ESYT1: variants seen among roughly 807,000 people sequenced by gnomAD.
ESYT1 encodes extended synaptotagmin-1.
ESYT1 carries 116 observed loss-of-function variants against 154.2 expected under a neutral mutation model. That is an observed-to-expected ratio of 0.75 (90% confidence interval 0.65 to 0.88). The LOEUF is 0.88. Among genes scored for constraint, ESYT1 ranks in the 40% least tolerant of loss-of-function variants. ESYT1 has a pLI of 0.00. For missense variants in ESYT1, 1,264 were observed against 1,379.3 expected, an observed-to-expected ratio of 0.92 and a Z score of 1.32; for synonymous variants, 500 against 539.9, an observed-to-expected ratio of 0.93 and a Z score of 1.02.
chr12:56,134,601 A>ATT (rs1204339908), intron 15 of ESYT1, among the ~76,000 whole-genome samples, 173 bp downstream of exon 15: 5 of 143,234 alleles, frequency 3.5e-5, no homozygotes, highest in Admixed American at 7.0e-5. Context: ...CCAGAATAAT[A>ATT]TTTTTTTTTT....
chr12:56,141,430 G>T (rs1039302750), intron 24 of ESYT1, among the ~76,000 whole-genome samples: 1 of 152,212 alleles, frequency 6.6e-6, no homozygotes, highest in Non-Finnish European at 1.5e-5. Context: ...GTATGCTGTA[G>T]GTATTACTGG....
chr12:56,141,145 C>T (rs1870669712), intron 24 of ESYT1, among the ~76,000 whole-genome samples: 1 of 152,048 alleles, frequency 6.6e-6, no homozygotes, highest in Non-Finnish European at 1.5e-5. Flanking sequence ...AAAAGATGGC[C>T]ATGAGCCATC....
Position 56,144,101 on chromosome 12 carries a change from T to G in ESYT1, c.*239T>G. ...GGGGCGGGGACCTGAGCTGGCTGTT[T>G]CCTGCTTTGCCTGCACATTGTTCTC... On this transcript the variant is annotated 3_prime_UTR_variant, in exon 31 of 31. Coordinates refer to ENST00000394048, the MANE Select transcript of ESYT1 (RefSeq NM_015292.3). 7.1e-7 allele frequency: 1 copy of G among 1,418,110 alleles called. No homozygotes were observed. Among genetic ancestry groups the G allele is most frequent in the Non-Finnish European group, 9.2e-7 (1 of 1,089,206 alleles). The allele number at this position is 1,418,110 out of a possible 1,614,324, so 87.8% of individuals were successfully genotyped here. A position where few individuals can be genotyped will look rare whatever the true frequency, so the allele number is the denominator to read the frequency against.
At chr12:56,136,067 A>C (rs1870439642) in intron 15 of ESYT1, among the ~76,000 whole-genome samples, 1 of 150,028 alleles carries the variant, frequency 6.7e-6, no homozygotes, top group African/African-American at 2.4e-5. Flanking sequence ...CTCCAAAAAA[A>C]AAAAAAAAAA....
intron 7 of ESYT1, 152 bp downstream of exon 7, chr12:56,131,956 T>C: frequency 4.9e-6 from 5 of 1,022,912 alleles, no homozygotes; most frequent in Non-Finnish European, 5.9e-6. Flanking sequence ...AGTTTGATAC[T>C]GTGATTTTTC....
chr12:56,137,947 C>G (rs762852715), intron 19 of ESYT1, 33 bp downstream of exon 19: 1 of 1,613,442 alleles, frequency 6.2e-7, no homozygotes, highest in South Asian at 1.1e-5. Flanking sequence ...GAAAAACAGG[C>G]TGGGGCTCTT....
In ESYT1 at chr12:56,142,841, TGAG is replaced by T. The variant is rs1208818235; in HGVS notation, c.2897_2899del (p.Glu966del). 1 of 1,614,178 alleles carries T rather than the reference TGAG, an allele frequency of 6.2e-7. No homozygotes were observed. ...TACTGATATTTCTCCACAGTCCCCT[TGAG>T]GCTCCAGCCGGGCCTCTGGGCCAGG... On this transcript the variant is annotated inframe_deletion, in exon 27 of 31. Coordinates refer to ENST00000394048, the MANE Select transcript of ESYT1 (RefSeq NM_015292.3). The surrounding 1 kb of genome is among the most constrained non-coding windows in gnomAD (Gnocchi z 4.1).
intron 30 of ESYT1, 69 bp downstream of exon 30, chr12:56,143,698 A>G: frequency 6.2e-7 from 1 of 1,610,258 alleles, no homozygotes; most frequent in South Asian, 1.1e-5. Flanking sequence ...ACAGGAAAGG[A>G]AAAAAAGATA....
At chr12:56,143,751 C>A in intron 30 of ESYT1, 72 bp from the exon 31 acceptor site, 1 of 1,611,070 alleles carries the variant, frequency 6.2e-7, no homozygotes. Context: ...GTAGAGAAGC[C>A]CTTGGATCGT....
intron 7 of ESYT1, 96 bp from the exon 8 acceptor site, chr12:56,132,113 A>G: frequency 6.3e-7 from 1 of 1,577,604 alleles, no homozygotes; most frequent in African/African-American, 1.3e-5. Context: ...ACTTTCTTAC[A>G]GCTTTAGGTC....
rs1393978545 is a variant in ESYT1 at position 56,142,941 on chromosome 12, C to T, written c.2987+8C>T. ...CATTGTTCATGGTTGCCGGTGAGAC[C>T]CCATCCCTCCTGTCCTCCAGATCGC... On this transcript the variant is annotated splice_region_variant and intron_variant, in intron 27 of 30. Coordinates refer to ENST00000394048, the MANE Select transcript of ESYT1 (RefSeq NM_015292.3). The surrounding 1 kb of genome is among the most constrained non-coding windows in gnomAD (Gnocchi z 4.1). 1 of 1,614,072 alleles carries T rather than the reference C, an allele frequency of 6.2e-7. No individual in the cohort carries two copies. Among genetic ancestry groups the T allele is most frequent in the East Asian group, 2.2e-5 (1 of 44,880 alleles).
At chr12:56,135,256 C>T (rs1354929818) in intron 15 of ESYT1, among the ~76,000 whole-genome samples, 4 of 151,152 alleles carry the variant, frequency 2.6e-5, no homozygotes, top group African/African-American at 7.3e-5. Flanking sequence ...GCAACCTCCA[C>T]CTCCTGGGTT....
intron 24 of ESYT1, among the ~76,000 whole-genome samples, chr12:56,140,430 A>G (rs748106663): frequency 6.6e-6 from 1 of 152,070 alleles, no homozygotes; most frequent in Non-Finnish European, 1.5e-5. Context: ...CAGTGATACG[A>G]TCTCAGCTCA....
At position 56,143,001 on chromosome 12, in the gene ESYT1, C is replaced by T. The variant is rs1870775335; in HGVS notation, c.2988-16C>T. On this transcript the variant is annotated splice_polypyrimidine_tract_variant and intron_variant, in intron 27 of 30. Transcript: ENST00000394048. Reference sequence around the variant, plus strand: ...TTCCCTCAGGTTACCATATCACCTACATCCTCCTGTTGTAGGTCCCTTCGA... The same window carrying T: ...TTCCCTCAGGTTACCATATCACCTATATCCTCCTGTTGTAGGTCCCTTCGA... The T allele has an allele frequency of 6.2e-7, 1 of 1,614,232 alleles. No individual in the cohort carries two copies. Among genetic ancestry groups the T allele is most frequent in the Non-Finnish European group, 8.5e-7 (1 of 1,180,038 alleles).
chr12:56,138,261 G>A lies in ESYT1; in HGVS notation c.2326G>A (p.Glu776Lys). ...TCTCACCCCCCGTCCCACTGCTGCTGAGTTAGAGGAGGTAGGGCAGGAGAC... is the reference window on the plus strand; with the variant it reads ...TCTCACCCCCCGTCCCACTGCTGCTAAGTTAGAGGAGGTAGGGCAGGAGAC... ...ERLTPRPTAA[E>K]LEEVLQVNSL... Residue 776 changes from glutamate (E) to lysine (K), a missense_variant, in exon 21 of 31, where the codon GAG (glutamate) becomes AAG (lysine). Transcript: ENST00000394048. 2 of 1,614,224 alleles carry A rather than the reference G, an allele frequency of 1.2e-6. No individual in the cohort carries two copies. The highest frequency in any genetic ancestry group is 1.7e-6 in the Non-Finnish European group (2 of 1,180,038).
At position 56,137,850 on chromosome 12, in the gene ESYT1, C is replaced by T. The variant is rs746847546; in HGVS notation, c.2134C>T (p.Pro712Ser). 78 of 1,614,140 alleles carry T rather than the reference C, an allele frequency of 4.8e-5. No homozygotes were observed. In the Middle Eastern group the frequency reaches 2.0e-3, roughly 41 times the overall value. The part of the protein sequence containing the change: ...EVFEVIVTSV[P>S]GQELEVEVFD... ...CCACTAGGTGATCGTCACATCAGTT[C>T]CAGGCCAAGAGCTAGAGGTTGAAGT... The change falls in exon 19 of 31, where the codon CCA becomes TCA. Residue 712 changes from proline to serine, a missense_variant. Pro to Ser is a moderately conservative substitution (Grantham distance 74, BLOSUM62 -1). Transcript: ENST00000394048.
rs1402344533 is a variant in ESYT1, at chr12:56,143,604, G to C, written c.3250G>C (p.Asp1084His). 1 of 1,614,176 alleles carries C rather than the reference G, an allele frequency of 6.2e-7. No individual in the cohort carries two copies. The highest frequency in any genetic ancestry group is 8.5e-7 in the Non-Finnish European group (1 of 1,180,032). ...GGTGCAGCTGGACCTAGCTGAGACA[G>C]ACCTTTCCCAGGGTGTAGCCCGGTG... ...GKVQLDLAET[D>H]LSQGVARWYD... Residue 1084 changes from aspartate to histidine, a missense_variant, in exon 30 of 31, where the codon GAC becomes CAC. Physicochemically the swap from Asp to His is moderately conservative, Grantham distance 81 (BLOSUM62 -1). Coordinates refer to ENST00000394048, the MANE Select transcript of ESYT1 (RefSeq NM_015292.3).
Position 56,143,092 on chromosome 12 carries a change from C to G in ESYT1, c.3063C>G (p.Gly1021=). Residue 1021 remains glycine, a synonymous_variant, in exon 28 of 31, where the codon GGC becomes GGG. Transcript: ENST00000394048. ...SLLLLPDKNR[G]TKRRTSQKKR... Reference sequence around the variant, plus strand: ...TGCTACTGCCAGACAAGAACCGAGGCACCAAGAGGAGGACCTCACAGAAGA... The same window carrying G: ...TGCTACTGCCAGACAAGAACCGAGGGACCAAGAGGAGGACCTCACAGAAGA... 6.2e-7 allele frequency: 1 copy of G among 1,614,184 alleles called. No homozygotes were observed.
Position 56,143,878 on chromosome 12 carries a change from A to G in ESYT1, c.*16A>G, listed in dbSNP as rs769258880. ...CAGCTCCTAGGAGCTGGCGAGTCCCAGCCTGACTGCTCTGTCTTCCTGCCT... is the reference window on the plus strand; with the variant it reads ...CAGCTCCTAGGAGCTGGCGAGTCCCGGCCTGACTGCTCTGTCTTCCTGCCT... On this transcript the variant is annotated 3_prime_UTR_variant, in exon 31 of 31. Transcript: ENST00000394048. 6.2e-7 allele frequency: 1 copy of G among 1,613,778 alleles called. No individual in the cohort carries two copies. The highest frequency in any genetic ancestry group is 1.7e-5 in the Admixed American group (1 of 60,012).
Sources: gnomAD v4.1 joint callset for allele counts (sites outside exome capture counted in the v4.1 genomes callset) on GRCh38, gnomAD v4.1.1 for gene constraint, Gnocchi (gnomAD v3.1) non-coding constraint, MANE v1.5 for transcripts, NCBI Gene and HGNC (gene_info 2026-07-23, HGNC 2026-07-21) for gene names.